The following TPD52 variants were observed in gnomAD, a reference collection of about 807,000 sequenced individuals.
The protein encoded by TPD52 is prostate and colon associated protein.
TPD52 carries 17 observed loss-of-function variants against 31.3 expected under a neutral mutation model. The ratio of observed to expected loss-of-function variants is 0.54; its 90% CI spans 0.37 to 0.82. The LOEUF (loss-of-function observed/expected upper bound fraction) is 0.82. Ranked by LOEUF, TPD52 falls within the 40% of genes least tolerant of loss-of-function variation. The pLI is 0.00. For missense variants in TPD52, 212 were observed against 240.1 expected (o/e 0.88, Z 0.77); for synonymous variants, 83 against 89.6 (o/e 0.93, Z 0.42).
intron 1 of TPD52, among the ~76,000 whole-genome samples, chr8:80,077,571 C>T (rs911004255): frequency 6.6e-6 from 1 of 152,034 alleles, no homozygotes; most frequent in Admixed American, 6.6e-5. Context: ...TGAGATGTTG[C>T]GGTCTAAAAA....
chr8:80,103,185 T>C (rs1459045887), intron 1 of TPD52, among the ~76,000 whole-genome samples: 3 of 152,142 alleles, frequency 2.0e-5, no homozygotes, highest in Non-Finnish European at 4.4e-5. Flanking sequence ...AAACCCCAAT[T>C]TACAGGCAAT....
At chr8:80,075,801 T>C (rs79610062) in intron 1 of TPD52, among the ~76,000 whole-genome samples, 5,164 of 152,312 alleles carry the variant, frequency 0.034, 125 homozygotes, top group African/African-American at 0.07. Context: ...TCTACATCTC[T>C]TCAATTTGAC....
In TPD52 at chr8:80,056,499, C is replaced by A. The variant is rs78944843; in HGVS notation, c.136-3069G>T. ...CTAGTATCTAGAACATATAAAGAAA[C>A]TTACAACTCAATAAAAAGACAATCC... On this transcript the variant is annotated intron_variant, in intron 2 of 7. Coordinates refer to ENST00000518937, the MANE Select transcript of TPD52 (RefSeq NM_001025253.3). Among the ~76,000 whole-genome samples, 949 of 152,174 alleles carry A rather than the reference C, an allele frequency of 6.2e-3. 6 individuals are homozygous for A. Among genetic ancestry groups the A allele is most frequent in the Admixed American group, 0.01 (156 of 15,280 alleles).
At chr8:80,153,416 A>T (rs1563665383) in intron 1 of TPD52, among the ~76,000 whole-genome samples, 1 of 152,238 alleles carries the variant, frequency 6.6e-6, no homozygotes, top group African/African-American at 2.4e-5. Flanking sequence ...GACAGGGGTA[A>T]GCAGAATGCT....
chr8:80,115,563 G>A (rs1807808763), intron 1 of TPD52, among the ~76,000 whole-genome samples: 1 of 152,194 alleles, frequency 6.6e-6, no homozygotes, highest in South Asian at 2.1e-4. Flanking sequence ...TGTCATCTCT[G>A]AACAGCCAAC....
intron 1 of TPD52, among the ~76,000 whole-genome samples, chr8:80,072,942 A>C (rs1013809543): frequency 1.3e-5 from 2 of 151,728 alleles, no homozygotes; most frequent in African/African-American, 4.9e-5. Context: ...AACTCTACTA[A>C]AAAATACAAA....
At chr8:80,149,456 C>G (rs1440891636) in intron 1 of TPD52, among the ~76,000 whole-genome samples, 1 of 152,112 alleles carries the variant, frequency 6.6e-6, no homozygotes, top group Non-Finnish European at 1.5e-5. Flanking sequence ...TCCTCATTAG[C>G]AGTGTGAGAA....
chr8:80,092,540 T>C (rs1001604310), intron 1 of TPD52, among the ~76,000 whole-genome samples: 2 of 152,156 alleles, frequency 1.3e-5, no homozygotes, highest in Admixed American at 1.3e-4. Flanking sequence ...CATTAATAGT[T>C]GAATAAAGAA....
At chr8:80,051,500 A>C in intron 4 of TPD52, 27 bp downstream of exon 4, 1 of 1,598,316 alleles carries the variant, frequency 6.3e-7, no homozygotes, top group Non-Finnish European at 8.6e-7. Context: ...TCAGCTACTT[A>C]ATGAGCAAGG....
At chr8:80,088,604 G>C (rs1014443900) in intron 1 of TPD52, among the ~76,000 whole-genome samples, 1 of 152,154 alleles carries the variant, frequency 6.6e-6, no homozygotes, top group African/African-American at 2.4e-5. Context: ...AGGGGAGAGG[G>C]AAGTCAGGAC....
chr8:80,137,133 C>A (rs1324061037), intron 1 of TPD52, among the ~76,000 whole-genome samples: 1 of 152,008 alleles, frequency 6.6e-6, no homozygotes, highest in Non-Finnish European at 1.5e-5. Context: ...CAAAATGGAC[C>A]ACAGGTTGCT....
chr8:80,072,711 C>G (rs528671256), intron 1 of TPD52, among the ~76,000 whole-genome samples: 30 of 143,600 alleles, frequency 2.1e-4, no homozygotes, highest in Non-Finnish European at 1.5e-5. Context: ...ATATATACAT[C>G]TATACGCACA....
At chr8:80,052,344 T>C (rs1277730057) in intron 3 of TPD52, among the ~76,000 whole-genome samples, 1 of 151,922 alleles carries the variant, frequency 6.6e-6, no homozygotes, top group Non-Finnish European at 1.5e-5. Flanking sequence ...AAAAACAAAA[T>C]AATATCGTAC....
At chr8:80,042,322 C>T (rs1810466910) in intron 7 of TPD52, 1 of 985,338 alleles carries the variant, frequency 1.0e-6, no homozygotes, top group Non-Finnish European at 1.2e-6. Context: ...ATTTTGTCCA[C>T]CTACAAAGGT....
intron 1 of TPD52, among the ~76,000 whole-genome samples, chr8:80,104,556 T>C (rs969972691): frequency 6.8e-6 from 1 of 147,324 alleles, no homozygotes; most frequent in African/African-American, 2.5e-5. Flanking sequence ...CAAGACCCCA[T>C]CTCTATTTAA....
chr8:80,071,015 A>C (rs1391670825), intron 1 of TPD52, among the ~76,000 whole-genome samples: 1 of 152,204 alleles, frequency 6.6e-6, no homozygotes, highest in Non-Finnish European at 1.5e-5. Flanking sequence ...TACAGAGCGC[A>C]AAGCACAGAG....
intron 1 of TPD52, among the ~76,000 whole-genome samples, chr8:80,085,286 A>G (rs1815652249): frequency 6.6e-6 from 1 of 152,238 alleles, no homozygotes; most frequent in Non-Finnish European, 1.5e-5. Context: ...TAATAACCGG[A>G]GACGACTCAT....
At chr8:80,079,367 A>G (rs1229810846) in intron 1 of TPD52, among the ~76,000 whole-genome samples, 1 of 152,176 alleles carries the variant, frequency 6.6e-6, no homozygotes, top group Admixed American at 6.5e-5. Context: ...TGGAAATCCC[A>G]GCCACTTTTG....
At chr8:80,159,388 C>T (rs1811203442) in intron 1 of TPD52, among the ~76,000 whole-genome samples, 3 of 152,298 alleles carry the variant, frequency 2.0e-5, no homozygotes, top group African/African-American at 7.2e-5. Flanking sequence ...GTGCTCCTTT[C>T]CATGGCTCCT....
Sources: gnomAD v4.1 joint callset for allele counts (sites outside exome capture counted in the v4.1 genomes callset) on GRCh38, gnomAD v4.1.1 for gene constraint, MANE v1.5 for transcripts, NCBI Gene and HGNC (gene_info 2026-07-23, HGNC 2026-07-21) for gene names.